The following APOL3 variants were observed in gnomAD, a reference collection of about 807,000 sequenced individuals.
APOL3 encodes apolipoprotein L3, also known as TNF-inducible protein CG12-1.
A neutral mutation model predicts 11.6 loss-of-function variants in APOL3; 14 were observed. That is an observed-to-expected ratio of 1.21 (90% CI 0.80 to 1.89). APOL3 has a LOEUF of 1.89. Ranked by LOEUF, APOL3 falls within the 40% of genes most tolerant of loss-of-function variation. APOL3 has a pLI of 0.00. For synonymous variants in APOL3, 192 were observed against 190.6 expected (o/e 1.01, Z -0.06); for missense variants, 483 against 492.1 (o/e 0.98, Z 0.17).
intron 1 of APOL3, chr22:36,150,070 C>A (rs920071102): frequency 1.1e-5 from 4 of 359,306 alleles, no homozygotes; most frequent in Admixed American, 7.1e-5. Context: ...CCTGAGCCCC[C>A]CAAAGTCCTG....
At chr22:36,140,924 T>C (rs2059960796) in exon 3 of APOL3, 1 of 423,146 alleles carries the variant, frequency 2.4e-6, no homozygotes, top group African/African-American at 2.0e-5. Context: ...CCCAATATAT[T>C]CGTTAGTCTA....
chr22:36,141,551 T>C, exon 3 of APOL3: 1 of 1,614,204 alleles, frequency 6.2e-7, no homozygotes, highest in Non-Finnish European at 8.5e-7. Context: ...TTTGTGTGGC[T>C]TCGTAATAAT....
At chr22:36,153,366 G>C (rs775479876) in intron 1 of APOL3, 2 of 456,086 alleles carry the variant, frequency 4.4e-6, no homozygotes, top group South Asian at 3.1e-5. Flanking sequence ...AAATACACCT[G>C]CCTCCTGATG....
chr22:36,150,713 GCA>G (rs138854776), intron 1 of APOL3, among the ~76,000 whole-genome samples: 100 of 150,046 alleles, frequency 6.7e-4, no homozygotes, highest in East Asian at 5.3e-3. Context: ...TACTAAAAAT[GCA>G]CACACACACA....
intron 1 of APOL3, among the ~76,000 whole-genome samples, chr22:36,146,797 G>T (rs961717512): frequency 1.3e-5 from 2 of 152,064 alleles, no homozygotes; most frequent in African/African-American, 4.8e-5. Context: ...AATATTATCA[G>T]TACAAAGCAT....
At chr22:36,153,254 A>G in intron 1 of APOL3, 1 of 342,442 alleles carries the variant, frequency 2.9e-6, no homozygotes, top group Non-Finnish European at 5.9e-6. Context: ...ACAAAACAGA[A>G]GTTACTTTAT....
At chr22:36,148,824 G>A (rs562545873) in intron 1 of APOL3, among the ~76,000 whole-genome samples, 3 of 152,330 alleles carry the variant, frequency 2.0e-5, no homozygotes, top group South Asian at 4.1e-4. Context: ...GGGAGGAAGT[G>A]GGCACCTGGG....
exon 3 of APOL3, chr22:36,140,378 G>C (rs1233287776): frequency 6.6e-6 from 1 of 152,224 alleles, no homozygotes; most frequent in East Asian, 1.9e-4. Context: ...CACTCAGCAG[G>C]ATGGCTCTAG....
upstream of APOL3, among the ~76,000 whole-genome samples, chr22:36,161,901 C>A (rs1175114443): frequency 2.0e-5 from 3 of 152,084 alleles, no homozygotes; most frequent in African/African-American, 7.2e-5. Context: ...CCGTTTGGTT[C>A]ACAGCAGGCT....
intron 1 of APOL3, 196 bp from the exon 2 acceptor site, chr22:36,149,338 C>T (rs1255436098): frequency 3.1e-6 from 4 of 1,306,330 alleles, no homozygotes; most frequent in Non-Finnish European, 4.0e-6. Context: ...CTCCCTCTGC[C>T]CTCACTCTCA....
upstream of APOL3, among the ~76,000 whole-genome samples, chr22:36,162,919 C>A (rs1277529098): frequency 6.6e-6 from 1 of 152,124 alleles, no homozygotes; most frequent in Non-Finnish European, 1.5e-5. Flanking sequence ...CGCTTTGGGT[C>A]AAGATGTTTG....
intron 1 of APOL3, among the ~76,000 whole-genome samples, chr22:36,151,435 G>A (rs184172802): frequency 5.3e-5 from 8 of 152,114 alleles, no homozygotes; most frequent in Admixed American, 3.3e-4. Flanking sequence ...ATTCATAAAT[G>A]AGAACATTAT....
chr22:36,154,239 G>A (rs1025810536), intron 1 of APOL3, among the ~76,000 whole-genome samples: 2 of 152,198 alleles, frequency 1.3e-5, no homozygotes, highest in African/African-American at 2.4e-5. Flanking sequence ...TGAGGAGGAA[G>A]TCCTTTAAAT....
At chr22:36,153,628 G>A (rs2012204874) in intron 1 of APOL3, among the ~76,000 whole-genome samples, 1 of 152,212 alleles carries the variant, frequency 6.6e-6, no homozygotes, top group African/African-American at 2.4e-5. Context: ...ACCCCAGAAA[G>A]CAAGGACGCT....
chr22:36,148,819 G>A (rs1240575956), intron 1 of APOL3, among the ~76,000 whole-genome samples: 3 of 152,206 alleles, frequency 2.0e-5, no homozygotes, highest in Non-Finnish European at 4.4e-5. Flanking sequence ...GGGCAGGGAG[G>A]AAGTGGGCAC....
At chr22:36,161,199 T>C (rs1182315069), upstream of APOL3, among the ~76,000 whole-genome samples, 1 of 152,086 alleles carries the variant, frequency 6.6e-6, no homozygotes, top group Non-Finnish European at 1.5e-5. Flanking sequence ...TTTTGTTGTT[T>C]TGTTTTGTTT....
At chr22:36,140,976 C>A in exon 3 of APOL3, 1 of 604,570 alleles carries the variant, frequency 1.7e-6, no homozygotes, top group Non-Finnish European at 2.8e-6. Flanking sequence ...CTCCAGTCCC[C>A]TCTCCTCCCT....
intron 1 of APOL3, among the ~76,000 whole-genome samples, chr22:36,151,399 T>C (rs1393754032): frequency 1.3e-5 from 2 of 152,184 alleles, no homozygotes; most frequent in Non-Finnish European, 2.9e-5. Flanking sequence ...CTCAAACCCA[T>C]GTCCTCAGGG....
exon 3 of APOL3, chr22:36,141,686 C>T (rs774450360): frequency 2.9e-5 from 46 of 1,613,930 alleles, no homozygotes; most frequent in Admixed American, 1.3e-4. Flanking sequence ...TGTATGAGTG[C>T]TCCACGATGC....
Sources: gnomAD v4.1 joint callset for allele counts (sites outside exome capture counted in the v4.1 genomes callset) on GRCh38, gnomAD v4.1.1 for gene constraint, MANE v1.5 for transcripts, NCBI Gene and HGNC (gene_info 2026-07-23, HGNC 2026-07-21) for gene names.